The following ZBTB46 variants were observed in gnomAD, a reference collection of about 807,000 sequenced individuals.
ZBTB46 encodes the protein zinc finger and BTB domain-containing protein 46.
In ZBTB46, 8 loss-of-function variants were observed where a neutral mutation model predicts 44.1. The ratio of observed to expected loss-of-function variants is 0.18; its 90% CI spans 0.11 to 0.33. ZBTB46 has a LOEUF of 0.33. ZBTB46 is among the 10% of genes least tolerant of loss of function. ZBTB46 has a pLI of 1.00. For missense variants in ZBTB46, 651 were observed against 847.7 expected (o/e 0.77, Z 2.88); for synonymous variants, 409 against 382.3 (o/e 1.07, Z -0.81).
At chr20:63,832,612 C>T (rs1000600844), upstream of ZBTB46, among the ~76,000 whole-genome samples, 3 of 152,206 alleles carry the variant, frequency 2.0e-5, no homozygotes, top group African/African-American at 7.2e-5. The surrounding 1 kb of genome is among the most constrained non-coding windows in gnomAD (Gnocchi z 5.0). Flanking sequence ...CACTCCCTTA[C>T]TGCCGTCGCG....
At position 63,809,299 on chromosome 20, in the gene ZBTB46, T is replaced by G. The variant is rs577338674; in HGVS notation, c.-33-18509A>C. On this transcript the variant is annotated intron_variant, in intron 1 of 4. Transcript: ENST00000245663. ...CGCGTCCAGTCCTCATGGCCGCGTC[T>G]ATTCCAGGAATGGGGTCCTGGGGTT... 2.5e-3 allele frequency among the ~76,000 whole-genome samples: 376 copies of G among 152,312 alleles called. 1 individual carries two copies. The highest frequency in any genetic ancestry group is 8.6e-3 in the African/African-American group (356 of 41,580).
At chr20:63,747,986 C>T (rs73622887) in intron 4 of ZBTB46, among the ~76,000 whole-genome samples, 23,923 of 152,278 alleles carry the variant, frequency 0.16, 2,610 homozygotes, top group East Asian at 0.57. Flanking sequence ...CGTACAGGGA[C>T]GGGCCGGGGT....
At chr20:63,765,689 C>G (rs2092315375) in intron 3 of ZBTB46, among the ~76,000 whole-genome samples, 2 of 149,336 alleles carry the variant, frequency 1.3e-5, no homozygotes, top group African/African-American at 5.0e-5. Context: ...CACAACCTCC[C>G]AAAGTACTGG....
In ZBTB46 at chr20:63,752,426, A is replaced by C. The variant is rs1046619107; in HGVS notation, c.1398+260T>G. Among the ~76,000 whole-genome samples, 2 of 151,930 alleles carry C rather than the reference A, an allele frequency of 1.3e-5. No homozygotes were observed. The highest frequency in any genetic ancestry group is 2.9e-5 in the Non-Finnish European group (2 of 67,960). ...CAAGCAGAGCGAGCTGAGTTTGCCG[A>C]GGCCTGGCTGCCTTGGCGGCCAGCA... On this transcript the variant is annotated intron_variant, in intron 4 of 4. Coordinates refer to ENST00000245663, the MANE Select transcript of ZBTB46 (RefSeq NM_001369741.1). The surrounding 1 kb of genome is among the most constrained non-coding windows in gnomAD (Gnocchi z 5.6).
Position 63,781,807 on chromosome 20 carries a change from C to T in ZBTB46, c.938-5845G>A, listed in dbSNP as rs1186195877. 2.6e-5 allele frequency among the ~76,000 whole-genome samples: 4 copies of T among 151,680 alleles called. No homozygotes were observed. The East Asian group carries it at 5.8e-4, about 22-fold the overall frequency. ...ACTCTGTCAAAAAAAAAATAGAGGCCGGGCGCGGTGGCTCACGCCTGTAAT... is the reference window on the plus strand; with the variant it reads ...ACTCTGTCAAAAAAAAAATAGAGGCTGGGCGCGGTGGCTCACGCCTGTAAT... On this transcript the variant is annotated intron_variant, in intron 2 of 4. Transcript: ENST00000245663.
intron 3 of ZBTB46, among the ~76,000 whole-genome samples, chr20:63,761,643 G>T (rs761922646): frequency 6.6e-6 from 1 of 151,992 alleles, no homozygotes; most frequent in Non-Finnish European, 1.5e-5. Context: ...TTATCCAGGC[G>T]TGGTGGCCGG....
intron 4 of ZBTB46, among the ~76,000 whole-genome samples, 198 bp from the exon 5 acceptor site, chr20:63,747,499 T>TG: frequency 7.3e-5 from 1 of 13,638 alleles, no homozygotes; most frequent in East Asian, 0.014. Flanking sequence ...CGGTGGAGGT[T>TG]GGGAGGGGGG....
chr20:63,748,510 A>C (rs981931573), intron 4 of ZBTB46, among the ~76,000 whole-genome samples: 1 of 152,190 alleles, frequency 6.6e-6, no homozygotes, highest in Non-Finnish European at 1.5e-5. Flanking sequence ...CGCCAGCTAG[A>C]GGAGGCCTTG....
At chr20:63,810,222 A>G (rs1383901203) in intron 1 of ZBTB46, among the ~76,000 whole-genome samples, 1 of 152,216 alleles carries the variant, frequency 6.6e-6, no homozygotes, top group East Asian at 1.9e-4. Context: ...AGTGACAAAC[A>G]GAAAAAGACC....
chr20:63,791,088 C>T (rs1189954425), intron 1 of ZBTB46, among the ~76,000 whole-genome samples: 2 of 152,218 alleles, frequency 1.3e-5, no homozygotes, highest in Non-Finnish European at 2.9e-5. Context: ...ATCCCAGGAA[C>T]GATGAGAACA....
intron 2 of ZBTB46, 80 bp downstream of exon 2, chr20:63,789,741 C>T (rs2092544265): frequency 5.9e-6 from 9 of 1,517,082 alleles, no homozygotes; most frequent in African/African-American, 4.1e-5. Context: ...GGACATGCGT[C>T]ACTGCCTCCG....
intron 2 of ZBTB46, among the ~76,000 whole-genome samples, chr20:63,778,350 C>T (rs2145876531): frequency 6.6e-6 from 1 of 152,280 alleles, no homozygotes; most frequent in South Asian, 2.1e-4. Flanking sequence ...ATCAAAACAC[C>T]CCCAGAACAC....
intron 2 of ZBTB46, among the ~76,000 whole-genome samples, chr20:63,776,548 G>A (rs1246273981): frequency 6.6e-6 from 1 of 152,132 alleles, no homozygotes; most frequent in Non-Finnish European, 1.5e-5. Context: ...TCAAGCCTGT[G>A]ATCCCAGCAC....
chr20:63,748,155 G>A (rs1003423199), intron 4 of ZBTB46, among the ~76,000 whole-genome samples: 5 of 152,234 alleles, frequency 3.3e-5, no homozygotes, highest in East Asian at 1.9e-4. Flanking sequence ...TTTCAAGGTC[G>A]ACTGAGACAT....
chr20:63,808,240 G>A (rs966238487), intron 1 of ZBTB46: 5 of 146,128 alleles, frequency 3.4e-5, no homozygotes, highest in Non-Finnish European at 7.4e-5. Flanking sequence ...GCACGGCACA[G>A]ACGGAGGGGG....
rs757636775 is a variant in ZBTB46 at position 63,790,521 on chromosome 20, C to T, written c.237G>A (p.Thr79=). 2.7e-5 allele frequency: 44 copies of T among 1,612,598 alleles called. No individual in the cohort carries two copies. The highest frequency in any genetic ancestry group is 2.2e-4 in the Admixed American group (13 of 59,982). ...CGATGATGGCCTTGAAGCCCTGGGC[C>T]GTGACGATGTCCAGGTGCGTGACCG... The part of the protein sequence containing the change: ...QATVTHLDIV[T]AQGFKAIIDF... Residue 79 remains threonine, a synonymous_variant, in exon 2 of 5, where the codon ACG becomes ACA. Transcript: ENST00000245663.
chr20:63,786,326 G>GTC (rs1360979026), intron 2 of ZBTB46, among the ~76,000 whole-genome samples: 4 of 152,198 alleles, frequency 2.6e-5, no homozygotes, highest in Admixed American at 2.6e-4. Flanking sequence ...AACTGCTAAT[G>GTC]TCTGGAGACA....
upstream of ZBTB46, among the ~76,000 whole-genome samples, chr20:63,833,825 G>A (rs551657094): frequency 7.9e-5 from 12 of 152,310 alleles, no homozygotes; most frequent in African/African-American, 2.4e-4. Flanking sequence ...CAGAGACAGC[G>A]CCCTGATTAA....
At chr20:63,821,219 G>T (rs6010670) in intron 1 of ZBTB46, among the ~76,000 whole-genome samples, 141,697 of 149,032 alleles carry the variant, frequency 0.95, 67,454 homozygotes, top group East Asian at 0.99. Flanking sequence ...AGGGCTTCAC[G>T]ATGTTGGCCA....
Sources: gnomAD v4.1 joint callset for allele counts (sites outside exome capture counted in the v4.1 genomes callset) on GRCh38, gnomAD v4.1.1 for gene constraint, Gnocchi (gnomAD v3.1) non-coding constraint, MANE v1.5 for transcripts, NCBI Gene and HGNC (gene_info 2026-07-23, HGNC 2026-07-21) for gene names.